Variants in PTPN13 observed in about 807,000 individuals in gnomAD.
The protein encoded by PTPN13 is tyrosine-protein phosphatase non-receptor type 13.
A neutral mutation model predicts 284.0 loss-of-function variants in PTPN13; 191 were observed. That is an observed-to-expected ratio of 0.67 (90% CI 0.60 to 0.76). PTPN13 has a LOEUF of 0.76. PTPN13 is among the 30% of genes least tolerant of loss of function. The probability of loss-of-function intolerance (pLI) is 0.00; values close to 1 mark genes in which losing one functional copy is unlikely to be tolerated. For synonymous variants in PTPN13, 986 were observed against 1,022.3 expected (o/e 0.96, Z 0.68); for missense variants, 2,797 against 2,939.9 (o/e 0.95, Z 1.12).
chr4:86,769,547 A>G (rs977462447), intron 28 of PTPN13, among the ~76,000 whole-genome samples: 8 of 152,264 alleles, frequency 5.3e-5, no homozygotes, highest in Non-Finnish European at 8.8e-5. Context: ...TCCTAATCAA[A>G]CAGCTTAGTT....
intron 36 of PTPN13, 96 bp from the exon 37 acceptor site, chr4:86,782,105 C>A: frequency 1.2e-6 from 1 of 817,280 alleles, no homozygotes; most frequent in Admixed American, 2.3e-5. Flanking sequence ...ATAAAAATAA[C>A]AACATCCCAG....
At chr4:86,735,443 A>G in intron 14 of PTPN13, 151 bp from the exon 15 acceptor site, 1 of 771,074 alleles carries the variant, frequency 1.3e-6, no homozygotes. Flanking sequence ...AGAAAGACTG[A>G]TGCATTTCTT....
intron 42 of PTPN13, among the ~76,000 whole-genome samples, chr4:86,801,341 C>T (rs1345466912): frequency 6.6e-6 from 1 of 152,200 alleles, no homozygotes; most frequent in Non-Finnish European, 1.5e-5. Context: ...AAGTGTCTCT[C>T]TTACTTTCAC....
intron 2 of PTPN13, among the ~76,000 whole-genome samples, chr4:86,642,321 A>G (rs1324121834): frequency 1.3e-5 from 2 of 151,976 alleles, no homozygotes; most frequent in Non-Finnish European, 2.9e-5. Context: ...CTTTTCTTCA[A>G]TTAGGAAGTT....
intron 40 of PTPN13, among the ~76,000 whole-genome samples, chr4:86,793,168 A>G (rs920043789): frequency 3.9e-5 from 6 of 152,220 alleles, no homozygotes; most frequent in Admixed American, 6.5e-5. Flanking sequence ...GGGAAGATCT[A>G]CCAAGCCAAT....
intron 2 of PTPN13, among the ~76,000 whole-genome samples, chr4:86,650,759 T>C (rs894961475): frequency 6.6e-6 from 1 of 152,234 alleles, no homozygotes; most frequent in Non-Finnish European, 1.5e-5. Context: ...GATTTTTGTA[T>C]GTTGATTTTT....
At chr4:86,804,168 CTT>C in intron 43 of PTPN13, among the ~76,000 whole-genome samples, 1 of 149,326 alleles carries the variant, frequency 6.7e-6, no homozygotes, top group Non-Finnish European at 1.5e-5. Context: ...ATGCACTAAA[CTT>C]TATAATTAGT....
Position 86,763,063 on chromosome 4 carries a change from C to T in PTPN13, c.3890C>T (p.Thr1297Ile). 5 of 1,613,864 alleles carry T rather than the reference C, an allele frequency of 3.1e-6. No homozygotes were observed. Among genetic ancestry groups the T allele is most frequent in the Middle Eastern group, 1.6e-4 (1 of 6,062 alleles). ...AAAGCCACCGAGAAAGAGACTTTCA[C>T]TGATAGTAACCAAAGCAAAACTAAA... ...ISKATEKETF[T>I]DSNQSKTKKP... The change falls in exon 24 of 48, where the codon ACT becomes ATT. Residue 1297 changes from threonine (T) to isoleucine (I), a missense_variant. Coordinates refer to ENST00000411767, the MANE Select transcript of PTPN13 (RefSeq NM_080683.3).
rs1214029107 is a variant in PTPN13, at chr4:86,744,992, A to G, written c.2514A>G (p.Thr838=). 6.3e-7 allele frequency: 1 copy of G among 1,586,640 alleles called. No homozygotes were observed. Among genetic ancestry groups the G allele is most frequent in the Non-Finnish European group, 8.6e-7 (1 of 1,165,000 alleles). Residue 838 remains threonine (T), a synonymous_variant, in exon 17 of 48, where the codon ACA becomes ACG. Coordinates refer to ENST00000411767, the MANE Select transcript of PTPN13 (RefSeq NM_080683.3). ...FSKKKITLQN[T]SDGIKHGFQT... ...AAAAGAAAATCACATTGCAAAATACATCAGATGGAATAAAACATGGCTTCC... is the reference window on the plus strand; with the variant it reads ...AAAAGAAAATCACATTGCAAAATACGTCAGATGGAATAAAACATGGCTTCC...
At chr4:86,644,782 A>T (rs900409520) in intron 2 of PTPN13, among the ~76,000 whole-genome samples, 52 of 152,238 alleles carry the variant, frequency 3.4e-4, no homozygotes, top group African/African-American at 1.2e-3. Context: ...GGAATGCAAG[A>T]TTAGTTGAAC....
Position 86,730,204 on chromosome 4 carries a change from A to G in PTPN13, c.1609-2196A>G, listed in dbSNP as rs1403388228. On this transcript the variant is annotated intron_variant, in intron 10 of 47. Coordinates refer to ENST00000411767, the MANE Select transcript of PTPN13 (RefSeq NM_080683.3). ...GCCTGATCTTTCCTCTGGAAGTTTT[A>G]TCCCAGAGGGGCACCCAACCGTATG... is the stretch of plus-strand genomic sequence containing the variant. Among the ~76,000 whole-genome samples the G allele has an allele frequency of 3.3e-5, 5 of 149,436 alleles. 1 individual carries two copies. The highest frequency in any genetic ancestry group is 1.3e-4 in the Admixed American group (2 of 14,952).
chr4:86,761,694 T>G (rs2149245614), intron 23 of PTPN13, among the ~76,000 whole-genome samples: 1 of 152,292 alleles, frequency 6.6e-6, no homozygotes, highest in Non-Finnish European at 1.5e-5. Flanking sequence ...ACTATTTGTA[T>G]TTTACTCTGA....
intron 20 of PTPN13, among the ~76,000 whole-genome samples, chr4:86,756,393 G>T (rs1046101561): frequency 6.6e-6 from 1 of 151,930 alleles, no homozygotes; most frequent in South Asian, 2.1e-4. Flanking sequence ...ATTAAACTAG[G>T]CATTAAATAA....
intron 9 of PTPN13, among the ~76,000 whole-genome samples, 185 bp from the exon 10 acceptor site, chr4:86,722,027 A>G (rs1733726780): frequency 6.6e-6 from 1 of 152,006 alleles, no homozygotes; most frequent in African/African-American, 2.4e-5. Context: ...GATTGCAGGC[A>G]TGAGCCACCA....
chr4:86,734,686 C>G, intron 13 of PTPN13, 51 bp from the exon 14 acceptor site: 2 of 1,567,482 alleles, frequency 1.3e-6, no homozygotes, highest in South Asian at 1.2e-5. Flanking sequence ...AAAAACCACC[C>G]CAGTATTCAA....
intron 3 of PTPN13, among the ~76,000 whole-genome samples, chr4:86,675,167 A>G (rs1728136717): frequency 6.6e-6 from 1 of 152,144 alleles, no homozygotes; most frequent in Admixed American, 6.5e-5. Context: ...CCACTCTATT[A>G]TTTTGCCAAG....
At chr4:86,739,340 A>G (rs1411400187) in intron 15 of PTPN13, among the ~76,000 whole-genome samples, 3 of 152,212 alleles carry the variant, frequency 2.0e-5, no homozygotes, top group African/African-American at 4.8e-5. Flanking sequence ...GCAATTTACA[A>G]AAGAAACAGG....
chr4:86,686,276 T>G (rs915338591), intron 3 of PTPN13, among the ~76,000 whole-genome samples: 1 of 151,734 alleles, frequency 6.6e-6, no homozygotes, highest in Non-Finnish European at 1.5e-5. Flanking sequence ...CCAGGAGAAT[T>G]GCCGGGGGAT....
intron 7 of PTPN13, among the ~76,000 whole-genome samples, chr4:86,714,034 T>G (rs147421708): frequency 6.6e-6 from 1 of 151,926 alleles, no homozygotes; most frequent in East Asian, 1.9e-4. Context: ...CTCCCCAGTT[T>G]TAGATACTTC....
Sources: gnomAD v4.1 joint callset for allele counts (sites outside exome capture counted in the v4.1 genomes callset) on GRCh38, gnomAD v4.1.1 for gene constraint, MANE v1.5 for transcripts, NCBI Gene and HGNC (gene_info 2026-07-23, HGNC 2026-07-21) for gene names.